The following PYGM variants were observed in gnomAD, a reference collection of about 807,000 sequenced individuals.
The protein encoded by PYGM is glycogen phosphorylase, muscle associated.
In PYGM, 81 loss-of-function variants were observed where a neutral mutation model predicts 99.3. The ratio of observed to expected loss-of-function variants is 0.82; its 90% confidence interval spans 0.68 to 0.98. The LOEUF is 0.98. Among genes scored for constraint, PYGM ranks in the 50% least tolerant of loss-of-function variants. The pLI is 0.00. For synonymous variants in PYGM, 436 were observed against 451.5 expected, an observed-to-expected ratio of 0.97 and a Z score of 0.44; for missense variants, 1,030 against 1,158.1, an observed-to-expected ratio of 0.89 and a Z score of 1.61.
In PYGM at chr11:64,746,590, T is replaced by G; in HGVS notation, c.*69A>C. 102 of 1,590,268 alleles carry G rather than the reference T, an allele frequency of 6.4e-5. No homozygotes were observed. The highest frequency in any genetic ancestry group is 7.7e-5 in the Non-Finnish European group (89 of 1,161,394). On this transcript the variant is annotated 3_prime_UTR_variant, in exon 20 of 20. Transcript: ENST00000164139. ...TAACTCCAGTACCCCACCCTCTGCA[T>G]GAGGTGCTGGGGCTGGCCCAAGAGA...
chr11:64,750,415 C>A lies in PYGM; in HGVS notation c.2138G>T (p.Gly713Val). 1 of 1,614,172 alleles carries A rather than the reference C, an allele frequency of 6.2e-7. No homozygotes were observed. The highest frequency in any genetic ancestry group is 8.5e-7 in the Non-Finnish European group (1 of 1,180,040). ...CTTATCCACATCCTCCACCCGCATG[C>A]CAAAGATGAAGAAGTTTTCCTCTCC... ...EAGEENFFIFGMRVEDVDKLD... is the reference protein window; with the variant it reads ...EAGEENFFIFVMRVEDVDKLD... The change falls in exon 17 of 20, where the codon GGC becomes GTC. Residue 713 changes from glycine to valine, a missense_variant. Physicochemically the swap from Gly to Val is moderately radical, Grantham distance 109. Coordinates refer to ENST00000164139, the MANE Select transcript of PYGM (RefSeq NM_005609.4).
chr11:64,747,687 G>A, intron 17 of PYGM: 2 of 376,244 alleles, frequency 5.3e-6, no homozygotes, highest in South Asian at 2.2e-5. Flanking sequence ...TTCTCCTCCA[G>A]TAGCCCAAGT....
chr11:64,750,699 A>T (rs1402740145), intron 16 of PYGM, 116 bp from the exon 17 acceptor site: 1 of 931,644 alleles, frequency 1.1e-6, no homozygotes, highest in Non-Finnish European at 1.6e-6. Context: ...CCCACCCCAA[A>T]CTCCCAGTCT....
At chr11:64,751,520 C>T (rs535307234) in intron 15 of PYGM, 54 bp from the exon 16 acceptor site, 1 of 1,614,168 alleles carries the variant, frequency 6.2e-7, no homozygotes, top group Admixed American at 1.7e-5. Flanking sequence ...CACCCCCTAT[C>T]CTGCAACTCA....
Position 64,757,643 on chromosome 11 carries a change from CTT to C in PYGM, c.660+134_660+135del, listed in dbSNP as rs375479669. 700 of 1,348,078 alleles carry C rather than the reference CTT, an allele frequency of 5.2e-4. 5 individuals carry two copies. The African/African-American group carries it at 9.0e-3, about 17-fold the overall frequency. 83.5% of individuals were successfully genotyped at this position (1,348,078 alleles called of 1,614,324 possible). A position where few individuals can be genotyped will look rare whatever the true frequency, so the allele number is the denominator to read the frequency against. ...GTCTCTCCTGGCTTCAGCTGTGTGA[CTT>C]TGAGTAAGTCACTTAACCTCTCTGA... On this transcript the variant is annotated intron_variant, in intron 5 of 19. Transcript: ENST00000164139.
In PYGM at chr11:64,750,305, G is replaced by A. The variant is rs375389115; in HGVS notation, c.2177+71C>T. The A allele has an allele frequency of 7.1e-5, 111 of 1,557,162 alleles. 1 individual carries two copies. In the African/African-American group the frequency reaches 9.9e-4, roughly 14 times the overall value. ...CTGGACCAGTCTTTCCAGACGTGCCGCTTGCTCCCAGCACCACTCTCCAGC... is the reference window on the plus strand; with the variant it reads ...CTGGACCAGTCTTTCCAGACGTGCCACTTGCTCCCAGCACCACTCTCCAGC... On this transcript the variant is annotated intron_variant, in intron 17 of 19. Coordinates refer to ENST00000164139, the MANE Select transcript of PYGM (RefSeq NM_005609.4).
In PYGM at chr11:64,753,649, G is replaced by GGTCTAC. The variant is rs1565535305; in HGVS notation, c.1267_1272dup (p.Val423_Asp424dup). 5.0e-6 allele frequency: 8 copies of GGTCTAC among 1,608,742 alleles called. No homozygotes were observed. The highest frequency in any genetic ancestry group is 6.8e-6 in the Non-Finnish European group (8 of 1,179,336). ...TCCACCAGCGACATGCGCCGCAGCC[G>GGTCTAC]GTCTACGTCCCCTGGGAATGCGGCC... On this transcript the variant is annotated inframe_insertion, in exon 11 of 20. Transcript: ENST00000164139.
chr11:64,753,008 A>T (rs1430335691), intron 12 of PYGM, 65 bp downstream of exon 12: 3 of 1,422,640 alleles, frequency 2.1e-6, no homozygotes, highest in African/African-American at 1.4e-5. Flanking sequence ...CACCTACACG[A>T]CCATACCCAG....
rs200757924 is a variant in PYGM, at chr11:64,755,404, G to A, written c.772+43C>T. On this transcript the variant is annotated intron_variant, in intron 6 of 19. Transcript: ENST00000164139. This position sits in a 1 kb window ranked among gnomAD's most constrained non-coding sequence, Gnocchi z 4.1. ...GGTAAGGCCTGCGCTGGGCGTGGCC[G>A]GCGGGCAAGCTGGGGTTGCTGGCTA... The A allele has an allele frequency of 6.4e-5, 103 of 1,611,966 alleles. No individual in the cohort carries two copies. Among genetic ancestry groups the A allele is most frequent in the Middle Eastern group, 3.3e-4 (2 of 6,060 alleles).
At chr11:64,752,646 G>A (rs762101899) in intron 12 of PYGM, 142 bp from the exon 13 acceptor site, 82 of 843,090 alleles carry the variant, frequency 9.7e-5, no homozygotes, top group Non-Finnish European at 1.4e-4. Flanking sequence ...TCCTCCAGCC[G>A]CCCAGATGGG....
Position 64,758,642 on chromosome 11 carries a change from GT to G in PYGM, c.305del (p.Asn102ThrfsTer4). 1 of 1,613,810 alleles carries G rather than the reference GT, an allele frequency of 6.2e-7. No homozygotes were observed. Among genetic ancestry groups the G allele is most frequent in the Non-Finnish European group, 8.5e-7 (1 of 1,179,696 alleles). On this transcript the variant is annotated frameshift_variant, in exon 2 of 20. Coordinates refer to ENST00000164139, the MANE Select transcript of PYGM (RefSeq NM_005609.4). LOFTEE classifies it high-confidence loss of function. ...MGRTLQNTMVNLALENACDEA... is the reference protein window; with the variant it reads ...MGRTLQNTMVXLALENACDEA... ...CGTCACAGGCATTCTCTAAGGCCAG[GT>G]TCACCATGGTGTTCTGTAGCGTCCG...
intron 4 of PYGM, 100 bp from the exon 5 acceptor site, chr11:64,758,010 A>C: frequency 6.5e-7 from 1 of 1,544,864 alleles, no homozygotes; most frequent in Non-Finnish European, 8.8e-7. Flanking sequence ...GGTGTACCCT[A>C]CACCAAGTAT....
chr11:64,753,859 C>A lies in PYGM; in HGVS notation c.1239+20G>T. ...TGTCCCCCCTCACCCCCACACCATCCCCCAAGCCTCCGGACTCACGTTGAG... is the reference window on the plus strand; with the variant it reads ...TGTCCCCCCTCACCCCCACACCATCACCCAAGCCTCCGGACTCACGTTGAG... On this transcript the variant is annotated intron_variant, in intron 10 of 19. Coordinates refer to ENST00000164139, the MANE Select transcript of PYGM (RefSeq NM_005609.4). The A allele has an allele frequency of 6.4e-7, 1 of 1,559,208 alleles. No homozygotes were observed. The highest frequency in any genetic ancestry group is 1.9e-5 in the Admixed American group (1 of 52,280).
At position 64,746,466 on chromosome 11, in the gene PYGM, G is replaced by A. The variant is rs1204192430; in HGVS notation, c.*193C>T. On this transcript the variant is annotated 3_prime_UTR_variant, in exon 20 of 20. Coordinates refer to ENST00000164139, the MANE Select transcript of PYGM (RefSeq NM_005609.4). ...AGACCCCATAAATAGGAGGGGACCG[G>A]GAGCCCGAGGACGGAAGGGGGCCCG... The A allele has an allele frequency of 4.1e-6, 3 of 727,392 alleles. No homozygotes were observed. The highest frequency in any genetic ancestry group is 6.8e-6 in the Non-Finnish European group (3 of 441,166). The allele number at this position is 727,392 out of a possible 1,614,324, so 45.1% of individuals were successfully genotyped here. A position where few individuals can be genotyped will look rare whatever the true frequency, so the allele number is the denominator to read the frequency against.
chr11:64,754,924 A>G lies in PYGM; in HGVS notation c.856-88T>C. ...GTGTGGCCAGGAGGGACTCCCACCC[A>G]TACCGGGACCCCTGAGCCCTGAGCC... is the stretch of plus-strand genomic sequence containing the variant. On this transcript the variant is annotated intron_variant, in intron 7 of 19. Transcript: ENST00000164139. The surrounding 1 kb of genome is among the most constrained non-coding windows in gnomAD (Gnocchi z 5.5). 4.5e-6 allele frequency: 7 copies of G among 1,556,418 alleles called. No individual in the cohort carries two copies. Among genetic ancestry groups the G allele is most frequent in the Non-Finnish European group, 6.1e-6 (7 of 1,149,722 alleles).
In PYGM at chr11:64,746,449, T is replaced by C. The variant is rs12223695; in HGVS notation, c.*210A>G. ...AGTGGGTGCAGTTGGTCAGACCCCA[T>C]AAATAGGAGGGGACCGGGAGCCCGA... On this transcript the variant is annotated 3_prime_UTR_variant, in exon 20 of 20. Coordinates refer to ENST00000164139, the MANE Select transcript of PYGM (RefSeq NM_005609.4). 3.4e-5 allele frequency: 22 copies of C among 652,246 alleles called. No homozygotes were observed. The East Asian group carries it at 6.0e-4, about 18-fold the overall frequency. The allele number at this position is 652,246 out of a possible 1,614,324, so 40.4% of individuals were successfully genotyped here. A position where few individuals can be genotyped will look rare whatever the true frequency, so the allele number is the denominator to read the frequency against.
In PYGM at chr11:64,754,551, T is replaced by C. The variant is rs1377244986; in HGVS notation, c.999+142A>G. Reference sequence around the variant, plus strand: ...GAAGCCCAGGTTCTGAGCCTGTGGATTGTGAATCCTGAACAACTGACCCTC... The same window carrying C: ...GAAGCCCAGGTTCTGAGCCTGTGGACTGTGAATCCTGAACAACTGACCCTC... On this transcript the variant is annotated intron_variant, in intron 8 of 19. Coordinates refer to ENST00000164139, the MANE Select transcript of PYGM (RefSeq NM_005609.4). The surrounding 1 kb of genome is among the most constrained non-coding windows in gnomAD (Gnocchi z 5.5). 2 of 1,296,084 alleles carry C rather than the reference T, an allele frequency of 1.5e-6. No homozygotes were observed. The highest frequency in any genetic ancestry group is 2.1e-6 in the Non-Finnish European group (2 of 935,108). The allele number at this position is 1,296,084 out of a possible 1,614,324, so 80.3% of individuals were successfully genotyped here. A position where few individuals can be genotyped will look rare whatever the true frequency, so the allele number is the denominator to read the frequency against.
In PYGM at chr11:64,754,217, G is replaced by C. The variant is rs200827404; in HGVS notation, c.1092+36C>G. ...ACTGGGAAGGGAACCCCGAGGCAGA[G>C]AGCATCAGATGGGGCAGAGGGGCCC... On this transcript the variant is annotated intron_variant, in intron 9 of 19. Coordinates refer to ENST00000164139, the MANE Select transcript of PYGM (RefSeq NM_005609.4). The surrounding 1 kb of genome is among the most constrained non-coding windows in gnomAD (Gnocchi z 5.5). 3 of 1,590,680 alleles carry C rather than the reference G, an allele frequency of 1.9e-6. No individual in the cohort carries two copies. Among genetic ancestry groups the C allele is most frequent in the African/African-American group, 2.7e-5 (2 of 74,438 alleles).
rs1184451799 is a variant in PYGM at position 64,755,230 on chromosome 11, C to A, written c.855+43G>T. ...CCCAGCTCTCCCTGACCCCTGCTGCCAAGGACTCAGGCTTCCAGCCCCCAG... is the reference window on the plus strand; with the variant it reads ...CCCAGCTCTCCCTGACCCCTGCTGCAAAGGACTCAGGCTTCCAGCCCCCAG... On this transcript the variant is annotated intron_variant, in intron 7 of 19. Coordinates refer to ENST00000164139, the MANE Select transcript of PYGM (RefSeq NM_005609.4). This position sits in a 1 kb window ranked among gnomAD's most constrained non-coding sequence, Gnocchi z 4.1. The A allele has an allele frequency of 1.9e-6, 3 of 1,587,860 alleles. No individual in the cohort carries two copies. Among genetic ancestry groups the A allele is most frequent in the South Asian group, 1.1e-5 (1 of 90,446 alleles).
Sources: allele counts gnomAD v4.1 joint callset, GRCh38; gene constraint gnomAD v4.1.1; non-coding constraint Gnocchi (gnomAD v3.1); transcripts MANE v1.5; gene names NCBI Gene and HGNC (gene_info 2026-07-23, HGNC 2026-07-21).